The following THTPA variants were observed in gnomAD, a reference collection of about 807,000 sequenced individuals.
THTPA encodes the protein thiamine triphosphatase.
In THTPA, 16 loss-of-function variants were observed where a neutral mutation model predicts 16.5. The observed-to-expected ratio is 0.97, with a 90% CI of 0.66 to 1.47. THTPA has a LOEUF of 1.47. Among genes scored for constraint, THTPA ranks in the 40% most tolerant of loss-of-function variants. THTPA has a pLI of 0.00. For missense variants in THTPA, 281 were observed against 280.9 expected, an observed-to-expected ratio of 1.00 and a Z score of 0.00; for synonymous variants, 110 against 115.5, an observed-to-expected ratio of 0.95 and a Z score of 0.30.
the THTPA span, chr14:23,544,216 C>G: frequency 1.3e-5 from 2 of 150,506 alleles, no homozygotes; most frequent in Admixed American, 6.6e-5. Context: ...GATTGCACCA[C>G]TGCACTCCAG....
the THTPA span, chr14:23,530,205 T>C: frequency 1.3e-6 from 2 of 1,522,696 alleles, no homozygotes; most frequent in Non-Finnish European, 8.8e-7. Flanking sequence ...CTGTGTAGGA[T>C]GGGGGGAGAG....
rs889916974 is a variant in THTPA, at chr14:23,559,018, T to C, written c.*178T>C. 15 of 730,360 alleles carry C rather than the reference T, an allele frequency of 2.1e-5. No homozygotes were observed. In the Admixed American group the frequency reaches 4.2e-4, roughly 20 times the overall value. 45.2% of individuals were successfully genotyped at this position (730,360 alleles called of 1,614,324 possible). A position where few individuals can be genotyped will look rare whatever the true frequency, so the allele number is the denominator to read the frequency against. On this transcript the variant is annotated 3_prime_UTR_variant, in exon 2 of 2. Transcript: ENST00000288014. ...TTGAGCCCTCCCTGGCTGCTTCCTC[T>C]CGCTCATCCGTCAGATGCAATCTGT...
rs570352956 is a variant in THTPA at position 23,556,403 on chromosome 14, C to G, written c.-355C>G. 7.4e-5 allele frequency: 18 copies of G among 242,316 alleles called. No homozygotes were observed. The highest frequency in any genetic ancestry group is 1.1e-4 in the Non-Finnish European group (14 of 124,094). 15.0% of individuals were successfully genotyped at this position (242,316 alleles called of 1,614,324 possible). A position where few individuals can be genotyped will look rare whatever the true frequency, so the allele number is the denominator to read the frequency against. Reference sequence around the variant, plus strand: ...CAGGAAAGGGCAGGTCCTCCCGGGTCGTGAGCCAGTAGCCTCCTGGGGTGG... The same window carrying G: ...CAGGAAAGGGCAGGTCCTCCCGGGTGGTGAGCCAGTAGCCTCCTGGGGTGG... On this transcript the variant is annotated 5_prime_UTR_variant, in exon 1 of 2. Transcript: ENST00000288014.
the THTPA span, chr14:23,531,666 C>G: frequency 1.3e-6 from 2 of 1,494,770 alleles, no homozygotes; most frequent in Admixed American, 4.1e-5. Context: ...ACACAACAGG[C>G]AGTGGTATAG....
At chr14:23,526,768 C>T in the THTPA span, 1 of 1,529,778 alleles carries the variant, frequency 6.5e-7, no homozygotes, top group Non-Finnish European at 8.7e-7. Flanking sequence ...TGACCTTGGC[C>T]TCAGTCATCT....
chr14:23,526,649 G>A, the THTPA span: 14 of 1,535,864 alleles, frequency 9.1e-6, no homozygotes, highest in Non-Finnish European at 1.2e-5. Flanking sequence ...AAGAGGATCT[G>A]GACTGGCTTC....
At chr14:23,538,535 G>A in the THTPA span, among the ~76,000 whole-genome samples, 5 of 152,018 alleles carry the variant, frequency 3.3e-5, no homozygotes, top group Admixed American at 3.3e-4. Context: ...ACAGGCCTAA[G>A]AGTCATCCCC....
At chr14:23,525,596 A>G in the THTPA span, 4 of 1,535,496 alleles carry the variant, frequency 2.6e-6, no homozygotes, top group Non-Finnish European at 3.5e-6. This position sits in a 1 kb window ranked among gnomAD's most constrained non-coding sequence, Gnocchi z 5.9. Flanking sequence ...CACCAGCTCA[A>G]AGCCAAAGTT....
chr14:23,535,904 T>C, the THTPA span, among the ~76,000 whole-genome samples: 1 of 152,314 alleles, frequency 6.6e-6, no homozygotes, highest in South Asian at 2.1e-4. The surrounding 1 kb of genome is among the most constrained non-coding windows in gnomAD (Gnocchi z 4.5). Flanking sequence ...GAACTCTTTA[T>C]TTGTCCCCTG....
chr14:23,530,216 T>G, the THTPA span: 40 of 1,504,876 alleles, frequency 2.7e-5, no homozygotes, highest in Non-Finnish European at 3.5e-5. Flanking sequence ...GGGGGGAGAG[T>G]CAGCTTAAAG....
Position 23,559,896 on chromosome 14 carries a change from T to A in THTPA, c.*1056T>A, listed in dbSNP as rs771595268. 30 of 1,610,408 alleles carry A rather than the reference T, an allele frequency of 1.9e-5. No individual in the cohort carries two copies. Among genetic ancestry groups the A allele is most frequent in the Middle Eastern group, 3.3e-4 (2 of 6,074 alleles). On this transcript the variant is annotated 3_prime_UTR_variant, in exon 2 of 2. Coordinates refer to ENST00000288014, the MANE Select transcript of THTPA (RefSeq NM_024328.6). ...ACCAGGGTTAGCACCCACGGCTTCT[T>A]CTATCCCTGGGTCTTGTCTTGGGGG...
chr14:23,526,342 G>A, the THTPA span: 5 of 1,536,208 alleles, frequency 3.3e-6, no homozygotes, highest in Non-Finnish European at 4.4e-6. Flanking sequence ...TCTTCTGGGT[G>A]AAGGACTCCT....
At chr14:23,516,462 A>G in the THTPA span, among the ~76,000 whole-genome samples, 1 of 152,208 alleles carries the variant, frequency 6.6e-6, no homozygotes, top group African/African-American at 2.4e-5. Context: ...TGTTAGAACA[A>G]TGATCCTCAC....
chr14:23,527,970 G>T, the THTPA span, among the ~76,000 whole-genome samples: 1 of 145,028 alleles, frequency 6.9e-6, no homozygotes. Flanking sequence ...GCAGTGACGT[G>T]ATCTCGGCTC....
chr14:23,530,189 C>A, the THTPA span: 4 of 1,534,644 alleles, frequency 2.6e-6, no homozygotes, highest in East Asian at 9.8e-5. Context: ...GTGACAGGAG[C>A]CTTCCCTGTG....
chr14:23,559,143 A>G lies in THTPA; in HGVS notation c.*303A>G, dbSNP rs1882940172. ...CGTGATCAGTAGTTAAGCACAGGAA[A>G]ATCCCTTGCCACCCCCCCTCCCTTG... On this transcript the variant is annotated 3_prime_UTR_variant, in exon 2 of 2. Coordinates refer to ENST00000288014, the MANE Select transcript of THTPA (RefSeq NM_024328.6). 3.2e-6 allele frequency: 1 copy of G among 316,818 alleles called. No individual in the cohort carries two copies. Among genetic ancestry groups the G allele is most frequent in the African/African-American group, 2.2e-5 (1 of 46,442 alleles). 19.6% of individuals were successfully genotyped at this position (316,818 alleles called of 1,614,324 possible).
the THTPA span, among the ~76,000 whole-genome samples, chr14:23,515,550 T>C: frequency 1.3e-5 from 2 of 152,170 alleles, no homozygotes; most frequent in Non-Finnish European, 2.9e-5. Flanking sequence ...ATCCCCAGCA[T>C]CTGTGGTGAT....
At position 23,560,165 on chromosome 14, in the gene THTPA, ATCTCACACTG is replaced by A; in HGVS notation, c.*1330_*1339del. On this transcript the variant is annotated 3_prime_UTR_variant, in exon 2 of 2. Transcript: ENST00000288014. ...GCTGATCTCCAGATGACTCAATCCC[ATCTCACACTG>A]TCTCCCACCCACCTCCTCCACTTAG... 6.5e-7 allele frequency: 1 copy of A among 1,528,610 alleles called. No individual in the cohort carries two copies. 94.7% of individuals were successfully genotyped at this position (1,528,610 alleles called of 1,614,324 possible).
At chr14:23,551,820 C>T (rs1881983824), upstream of THTPA, among the ~76,000 whole-genome samples, 1 of 152,142 alleles carries the variant, frequency 6.6e-6, no homozygotes, top group South Asian at 2.1e-4. This position sits in a 1 kb window ranked among gnomAD's most constrained non-coding sequence, Gnocchi z 5.3. Flanking sequence ...GCGACCCGCC[C>T]GCCGCGGCGC....
Sources: gnomAD v4.1 joint callset for allele counts (sites outside exome capture counted in the v4.1 genomes callset) on GRCh38, gnomAD v4.1.1 for gene constraint, Gnocchi (gnomAD v3.1) non-coding constraint, MANE v1.5 for transcripts, NCBI Gene and HGNC (gene_info 2026-07-23, HGNC 2026-07-21) for gene names.